Variants in DIP2B observed in about 807,000 individuals in gnomAD.
The protein encoded by DIP2B is DIP2 acetate--CoA ligase B (putative).
Under a neutral mutation model 198.0 loss-of-function variants are expected in DIP2B, and 76 were observed. That is an observed-to-expected ratio of 0.38 (90% CI 0.32 to 0.46). The LOEUF (loss-of-function observed/expected upper bound fraction) is 0.46. Ranked by LOEUF, DIP2B falls within the 20% of genes least tolerant of loss-of-function variation. The pLI is 0.99. For missense variants in DIP2B, 1,559 were observed against 1,978.4 expected (o/e 0.79, Z 4.02); for synonymous variants, 701 against 739.1 (o/e 0.95, Z 0.84).
rs779617308 is a variant in DIP2B, at chr12:50,626,037, G to A, written c.162G>A (p.Pro54=). The A allele has an allele frequency of 1.1e-5, 17 of 1,613,798 alleles. No individual in the cohort carries two copies. The highest frequency in any genetic ancestry group is 2.2e-5 in the South Asian group (2 of 91,026). ...KRSKLLSPYS[P]QTQETDSAVQ... ...CCAAACTCCTATCTCCTTACAGCCCGCAGACACAAGGTAGGCAATAAAAAA... is the reference window on the plus strand; with the variant it reads ...CCAAACTCCTATCTCCTTACAGCCCACAGACACAAGGTAGGCAATAAAAAA... Residue 54 remains proline, a synonymous_variant, in exon 2 of 38, where the codon CCG becomes CCA. Transcript: ENST00000301180.
chr12:50,737,979 C>T (rs1236356853), intron 35 of DIP2B, among the ~76,000 whole-genome samples: 1 of 152,090 alleles, frequency 6.6e-6, no homozygotes, highest in Admixed American at 6.6e-5. Context: ...TCGGCTCTGC[C>T]ACTTACAAGC....
Position 50,744,723 on chromosome 12 carries a change from G to A in DIP2B, c.4615G>A (p.Val1539Met). 1 of 1,614,204 alleles carries A rather than the reference G, an allele frequency of 6.2e-7. No individual in the cohort carries two copies. Among genetic ancestry groups the A allele is most frequent in the Non-Finnish European group, 8.5e-7 (1 of 1,180,042 alleles). Residue 1539 changes from valine to methionine, a missense_variant, in exon 38 of 38, where the codon GTG (valine) becomes ATG (methionine). By Grantham distance (21) the Val-to-Met change is conservative. Coordinates refer to ENST00000301180, the MANE Select transcript of DIP2B (RefSeq NM_173602.3). Reference protein sequence around the residue: ...EHYLIVGVVVVVDPGVIPINS... With the variant: ...EHYLIVGVVVMVDPGVIPINS... ...TTACCTCATCGTTGGCGTCGTGGTT[G>A]TGGTGGACCCAGGTGTCATCCCGAT...
intron 29 of DIP2B, 84 bp from the exon 30 acceptor site, chr12:50,728,464 G>C: frequency 6.8e-7 from 1 of 1,472,358 alleles, no homozygotes; most frequent in Non-Finnish European, 9.1e-7. Context: ...TTAGGGAATT[G>C]AAACTCCTCA....
chr12:50,551,003 C>T (rs1240055088), intron 1 of DIP2B, among the ~76,000 whole-genome samples: 2 of 151,922 alleles, frequency 1.3e-5, no homozygotes, highest in Non-Finnish European at 2.9e-5. Flanking sequence ...GTGGAAGAAT[C>T]ACCTGAGCCT....
rs1193505294 is a variant in DIP2B, at chr12:50,540,841, A to G, written c.100+35601A>G. Among the ~76,000 whole-genome samples the G allele has an allele frequency of 3.3e-5, 5 of 152,108 alleles. No individual in the cohort carries two copies. The South Asian group carries it at 6.2e-4, about 19-fold the overall frequency. On this transcript the variant is annotated intron_variant, in intron 1 of 37. Transcript: ENST00000301180. Reference sequence around the variant, plus strand: ...CGTGAGCCACCGCGCCCAGCCAGCTATGAACATTTTTATATAGTTATTCAT... The same window carrying G: ...CGTGAGCCACCGCGCCCAGCCAGCTGTGAACATTTTTATATAGTTATTCAT...
intron 22 of DIP2B, among the ~76,000 whole-genome samples, chr12:50,711,813 G>A (rs1372314202): frequency 6.6e-6 from 1 of 152,138 alleles, no homozygotes; most frequent in Non-Finnish European, 1.5e-5. Context: ...ACCCACCTTG[G>A]CCTCCCAAAG....
intron 1 of DIP2B, among the ~76,000 whole-genome samples, chr12:50,511,708 GGGA>G (rs1958018600): frequency 2.6e-5 from 4 of 151,822 alleles, no homozygotes; most frequent in Admixed American, 2.6e-4. Flanking sequence ...CCAGCACTTT[GGGA>G]GGCCGAGGAG....
intron 1 of DIP2B, among the ~76,000 whole-genome samples, chr12:50,602,281 T>G (rs1565841161): frequency 6.6e-6 from 1 of 152,190 alleles, no homozygotes; most frequent in Non-Finnish European, 1.5e-5. Context: ...AAATTAATTT[T>G]TTTTTGAGAC....
chr12:50,601,746 G>A (rs964485032), intron 1 of DIP2B, among the ~76,000 whole-genome samples: 1 of 151,904 alleles, frequency 6.6e-6, no homozygotes, highest in Non-Finnish European at 1.5e-5. Flanking sequence ...GTTTTTGTTG[G>A]CCTTCATAAT....
intron 4 of DIP2B, among the ~76,000 whole-genome samples, chr12:50,663,037 AG>A (rs1471381462): frequency 6.6e-6 from 1 of 152,196 alleles, no homozygotes; most frequent in African/African-American, 2.4e-5. Context: ...TGAACCCGGG[AG>A]GCAGAGGTCG....
chr12:50,590,419 G>T (rs897804120), intron 1 of DIP2B, among the ~76,000 whole-genome samples: 3 of 152,016 alleles, frequency 2.0e-5, no homozygotes, highest in Admixed American at 6.6e-5. Flanking sequence ...GCCCAGGCTG[G>T]AGTGCAGTGG....
intron 1 of DIP2B, among the ~76,000 whole-genome samples, chr12:50,617,123 A>G (rs1937713111): frequency 6.6e-6 from 1 of 151,880 alleles, no homozygotes; most frequent in African/African-American, 2.4e-5. Flanking sequence ...TTCTATGTAA[A>G]TGAATATTTA....
intron 3 of DIP2B, among the ~76,000 whole-genome samples, chr12:50,647,137 C>G (rs987320819): frequency 6.6e-6 from 1 of 152,132 alleles, no homozygotes; most frequent in Non-Finnish European, 1.5e-5. Flanking sequence ...ACTCCAACCT[C>G]CGCCTCCTGG....
chr12:50,576,596 A>G (rs149617791), intron 1 of DIP2B, among the ~76,000 whole-genome samples: 9,710 of 151,386 alleles, frequency 0.064, 726 homozygotes, highest in East Asian at 0.36. Flanking sequence ...CTCCTGCCTC[A>G]GCCTCCCTAG....
intron 32 of DIP2B, 140 bp from the exon 33 acceptor site, chr12:50,733,995 C>T (rs1357833345): frequency 2.1e-5 from 17 of 805,568 alleles, no homozygotes; most frequent in Non-Finnish European, 3.2e-5. Context: ...AGAGTGAGAG[C>T]AGGGGGCCTA....
chr12:50,633,697 T>C (rs1938106051), intron 2 of DIP2B, among the ~76,000 whole-genome samples: 1 of 152,026 alleles, frequency 6.6e-6, no homozygotes, highest in East Asian at 1.9e-4. Context: ...GCCTGGGAGG[T>C]TGAGGCTGCA....
intron 8 of DIP2B, chr12:50,679,171 A>C (rs1938996838): frequency 3.1e-6 from 1 of 324,852 alleles, no homozygotes; most frequent in Non-Finnish European, 5.7e-6. Flanking sequence ...GTATTGATGT[A>C]TGGTGAAAAT....
intron 29 of DIP2B, 126 bp downstream of exon 29, chr12:50,727,938 C>T (rs994008617): frequency 3.0e-5 from 21 of 711,314 alleles, no homozygotes; most frequent in African/African-American, 5.3e-5. Flanking sequence ...AGATCTAAGT[C>T]GCTGCTCTAT....
At chr12:50,609,656 T>C (rs1376732617) in intron 1 of DIP2B, among the ~76,000 whole-genome samples, 1 of 152,248 alleles carries the variant, frequency 6.6e-6, no homozygotes, top group Non-Finnish European at 1.5e-5. Context: ...GGCCAGACCT[T>C]AGTAATTTGA....
Sources: allele counts gnomAD v4.1 joint callset (sites outside exome capture counted in the v4.1 genomes callset), GRCh38; gene constraint gnomAD v4.1.1; transcripts MANE v1.5; gene names NCBI Gene and HGNC (gene_info 2026-07-23, HGNC 2026-07-21).